Variants in PDC observed in about 807,000 individuals in gnomAD.
PDC encodes phosducin.
A neutral mutation model predicts 22.2 loss-of-function variants in PDC; 19 were observed. The ratio of observed to expected loss-of-function variants is 0.86; its 90% CI spans 0.60 to 1.26. The LOEUF (loss-of-function observed/expected upper bound fraction) is 1.26. Among genes scored for constraint, PDC ranks in the 50% most tolerant of loss-of-function variants. The probability of loss-of-function intolerance (pLI) is 0.00; values close to 1 mark genes in which losing one functional copy is unlikely to be tolerated. For missense variants in PDC, 274 were observed against 286.8 expected (o/e 0.96, Z 0.32); for synonymous variants, 97 against 96.2 (o/e 1.01, Z -0.05).
intron 1 of PDC, among the ~76,000 whole-genome samples, chr1:186,455,762 C>G (rs1438862930): frequency 1.5e-5 from 2 of 135,908 alleles, no homozygotes; most frequent in Non-Finnish European, 3.1e-5. Flanking sequence ...GAGATCGAGA[C>G]CGTCCTGGCT....
At chr1:186,458,972 G>C (rs534888364) in intron 1 of PDC, among the ~76,000 whole-genome samples, 1 of 152,238 alleles carries the variant, frequency 6.6e-6, no homozygotes, top group South Asian at 2.1e-4. Context: ...GACCAGCCTG[G>C]GCAACATGGC....
At position 186,443,981 on chromosome 1, in the gene PDC, A is replaced by T. The variant is rs372257267; in HGVS notation, c.739T>A (p.Ter247ArgextTer16). 1.3e-6 allele frequency: 2 copies of T among 1,596,838 alleles called. No individual in the cohort carries two copies. The highest frequency in any genetic ancestry group is 2.7e-5 in the African/African-American group (2 of 74,408). Residue 247 changes from the stop codon to arginine, a stop_lost, in exon 4 of 4, where the codon TGA becomes AGA. Transcript: ENST00000391997. Reference sequence around the variant, plus strand: ...TGAGATATTGACATAGTGAATCTTCATTCAACATCTTCTTCTTCTATTTTG... The same window carrying T: ...TGAGATATTGACATAGTGAATCTTCTTTCAACATCTTCTTCTTCTATTTTG... ...HTKIEEEDVE[*>R]
chr1:186,449,183 G>A (rs1341714177), intron 2 of PDC, among the ~76,000 whole-genome samples: 1 of 151,998 alleles, frequency 6.6e-6, no homozygotes. Context: ...AGTAATTGGT[G>A]TTTTTGTTTT....
Sources: allele counts gnomAD v4.1 joint callset (sites outside exome capture counted in the v4.1 genomes callset), GRCh38; gene constraint gnomAD v4.1.1; transcripts MANE v1.5; gene names NCBI Gene and HGNC (gene_info 2026-07-23, HGNC 2026-07-21).